Variants in SEC14L5 observed in about 807,000 individuals in gnomAD.
The protein encoded by SEC14L5 is SEC14-like protein 5.
A neutral mutation model predicts 84.6 loss-of-function variants in SEC14L5; 96 were observed. The observed-to-expected ratio is 1.13, with a 90% confidence interval of 0.96 to 1.34. The LOEUF (loss-of-function observed/expected upper bound fraction) is 1.34. Among genes scored for constraint, SEC14L5 ranks in the 40% most tolerant of loss-of-function variants. The pLI, the probability that SEC14L5 is intolerant of heterozygous loss-of-function variation, is 0.00. For synonymous variants in SEC14L5, 546 were observed against 383.4 expected (o/e 1.42, Z -4.95); for missense variants, 1,224 against 942.5 (o/e 1.30, Z -3.91).
intron 6 of SEC14L5, among the ~76,000 whole-genome samples, chr16:4,993,727 A>T (rs1955577071): frequency 6.6e-6 from 1 of 152,242 alleles, no homozygotes; most frequent in Non-Finnish European, 1.5e-5. Flanking sequence ...CAAAGTTTAC[A>T]TGCAAGTAAA....
chr16:5,012,644 C>T (rs1029972527), intron 15 of SEC14L5, among the ~76,000 whole-genome samples: 1 of 152,242 alleles, frequency 6.6e-6, no homozygotes, highest in Non-Finnish European at 1.5e-5. Context: ...GTGGCTCACG[C>T]CTGTAATCCC....
chr16:4,992,167 C>T (rs28658411), intron 6 of SEC14L5, 137 bp downstream of exon 6: 140,266 of 546,030 alleles, frequency 0.26, 19,056 homozygotes, highest in Admixed American at 0.34. Flanking sequence ...GGAACGACAC[C>T]GCCTCCTGCC....
chr16:4,999,701 G>A (rs1271238475), intron 8 of SEC14L5, among the ~76,000 whole-genome samples: 1 of 151,408 alleles, frequency 6.6e-6, no homozygotes, highest in East Asian at 1.9e-4. Flanking sequence ...ATCACTTGAG[G>A]CCAGGGGTTC....
intron 2 of SEC14L5, among the ~76,000 whole-genome samples, chr16:4,970,226 G>A (rs983310162): frequency 1.3e-5 from 2 of 152,172 alleles, no homozygotes; most frequent in African/African-American, 2.4e-5. Flanking sequence ...GAAAAACAGG[G>A]CATTGTAGGA....
At chr16:4,958,756 G>T (rs533713601) in intron 1 of SEC14L5, among the ~76,000 whole-genome samples, 2 of 152,340 alleles carry the variant, frequency 1.3e-5, no homozygotes, top group East Asian at 1.9e-4. Flanking sequence ...AAGCAGTCCC[G>T]TGTGGGAGGG....
Position 4,990,965 on chromosome 16 carries a change from AC to A in SEC14L5, c.474+74del, listed in dbSNP as rs1555529791. ...CTGCTCTGCCATCAACAGCTGCATG[AC>A]CCCTGGCAAGACCCTTACCCTTCCT... On this transcript the variant is annotated intron_variant, in intron 5 of 15. Coordinates refer to ENST00000251170, the MANE Select transcript of SEC14L5 (RefSeq NM_014692.2). 5.2e-6 allele frequency: 7 copies of A among 1,343,954 alleles called. No homozygotes were observed. In the South Asian group the frequency reaches 7.5e-5, roughly 14 times the overall value. The allele number at this position is 1,343,954 out of a possible 1,614,324, so 83.3% of individuals were successfully genotyped here.
At chr16:4,988,367 C>T (rs1010154720) in intron 4 of SEC14L5, 87 bp downstream of exon 4, 3 of 1,499,594 alleles carry the variant, frequency 2.0e-6, no homozygotes, top group African/African-American at 1.4e-5. Flanking sequence ...CCCCACATTC[C>T]TTGAGCCTCT....
chr16:4,987,500 G>GC lies in SEC14L5; in HGVS notation c.64-57_64-56insC, dbSNP rs1555529521. ...ACAGCAGATAAGGAGGTCGCGCTGG[G>GC]GGGGGGGGTCCCTCTGCCCCCCCCA... On this transcript the variant is annotated intron_variant, in intron 2 of 15. Transcript: ENST00000251170. 80 of 1,257,944 alleles carry GC rather than the reference G, an allele frequency of 6.4e-5. No individual in the cohort carries two copies. In the East Asian group the frequency reaches 1.8e-3, roughly 28 times the overall value. The allele number at this position is 1,257,944 out of a possible 1,614,324, so 77.9% of individuals were successfully genotyped here.
intron 2 of SEC14L5, among the ~76,000 whole-genome samples, chr16:4,966,503 G>A (rs1401423563): frequency 1.3e-5 from 2 of 148,348 alleles, no homozygotes; most frequent in Admixed American, 6.8e-5. Flanking sequence ...TGGAACTCCT[G>A]ACCTCAGGTA....
intron 10 of SEC14L5, among the ~76,000 whole-genome samples, chr16:5,002,520 A>T (rs2142521399): frequency 6.6e-6 from 1 of 151,954 alleles, no homozygotes; most frequent in East Asian, 1.9e-4. Context: ...TGGTCTCTAG[A>T]GATTTTCTAA....
chr16:4,985,839 T>C (rs1354232988), intron 2 of SEC14L5, among the ~76,000 whole-genome samples: 2 of 151,218 alleles, frequency 1.3e-5, no homozygotes, highest in Non-Finnish European at 2.9e-5. Flanking sequence ...ACATTGTGAG[T>C]AGATAGATAT....
intron 2 of SEC14L5, 53 bp from the exon 3 acceptor site, chr16:4,987,504 G>GGA: frequency 6.9e-7 from 1 of 1,444,430 alleles, no homozygotes; most frequent in African/African-American, 1.5e-5. Context: ...CGCTGGGGGG[G>GGA]GGGGTCCCTC....
chr16:4,970,199 G>A (rs1380407199), intron 2 of SEC14L5, among the ~76,000 whole-genome samples: 2 of 152,112 alleles, frequency 1.3e-5, no homozygotes, highest in East Asian at 3.9e-4. Context: ...ATGCCATGTA[G>A]AACCATTCAT....
At chr16:4,998,820 G>A (rs532708931) in intron 8 of SEC14L5, among the ~76,000 whole-genome samples, 28 of 151,416 alleles carry the variant, frequency 1.8e-4, no homozygotes, top group African/African-American at 6.8e-4. Flanking sequence ...TAAAGAACCG[G>A]CTGGCATGGT....
intron 8 of SEC14L5, among the ~76,000 whole-genome samples, chr16:4,998,751 A>T (rs1182062338): frequency 1.1e-4 from 10 of 93,678 alleles, no homozygotes; most frequent in East Asian, 3.2e-4. Context: ...AAAAAAAAAA[A>T]AAAAAAAAAA....
intron 8 of SEC14L5, 116 bp from the exon 9 acceptor site, chr16:5,000,539 G>T: frequency 1.4e-6 from 1 of 736,816 alleles, no homozygotes; most frequent in Middle Eastern, 3.1e-4. Context: ...GCTGGATCGG[G>T]CCTTGGTGGG....
intron 2 of SEC14L5, among the ~76,000 whole-genome samples, chr16:4,984,674 C>T (rs1218167226): frequency 1.3e-5 from 2 of 152,210 alleles, no homozygotes; most frequent in Non-Finnish European, 2.9e-5. Context: ...GCTTCAATTT[C>T]TCCACATCCT....
intron 13 of SEC14L5, among the ~76,000 whole-genome samples, chr16:5,007,925 T>TC (rs1955752247): frequency 6.8e-6 from 1 of 146,596 alleles, no homozygotes; most frequent in Non-Finnish European, 1.5e-5. Context: ...TTTTTTTTTT[T>TC]GAGACCGAGT....
chr16:4,995,624 C>CTTTT (rs36027978), intron 6 of SEC14L5, among the ~76,000 whole-genome samples: 114 of 128,540 alleles, frequency 8.9e-4, no homozygotes, highest in African/African-American at 3.1e-3. Flanking sequence ...CTCTCTCTCT[C>CTTTT]TTTTTTTTTT....
Sources: gnomAD v4.1 joint callset for allele counts (sites outside exome capture counted in the v4.1 genomes callset) on GRCh38, gnomAD v4.1.1 for gene constraint, MANE v1.5 for transcripts, NCBI Gene and HGNC (gene_info 2026-07-23, HGNC 2026-07-21) for gene names.